The following MRPL37 variants were observed in gnomAD, a reference collection of about 807,000 sequenced individuals.
MRPL37 encodes the protein mitochondrial ribosomal protein L37.
Under a neutral mutation model 44.1 loss-of-function variants are expected in MRPL37, and 34 were observed. The ratio of observed to expected loss-of-function variants is 0.77; its 90% CI spans 0.59 to 1.03. The LOEUF (loss-of-function observed/expected upper bound fraction) is 1.03. Ranked by LOEUF, MRPL37 falls within the 50% of genes least tolerant of loss-of-function variation. The pLI is 0.00. For missense variants in MRPL37, 532 were observed against 543.7 expected (o/e 0.98, Z 0.21); for synonymous variants, 212 against 219.5 (o/e 0.97, Z 0.30).
intron 1 of MRPL37, among the ~76,000 whole-genome samples, chr1:54,204,791 A>G (rs1644108957): frequency 1.3e-5 from 2 of 152,162 alleles, no homozygotes; most frequent in Admixed American, 1.3e-4. Context: ...CACCTCAGTC[A>G]CCTATTAACC....
downstream of MRPL37, among the ~76,000 whole-genome samples, chr1:54,224,604 A>G (rs1293098539): frequency 6.6e-6 from 1 of 152,174 alleles, no homozygotes; most frequent in African/African-American, 2.4e-5. Flanking sequence ...AGGGCTTTAT[A>G]AACATGGGCT....
chr1:54,221,382 G>GACTC (rs998400816), downstream of MRPL37, among the ~76,000 whole-genome samples: 4 of 152,120 alleles, frequency 2.6e-5, no homozygotes, highest in Admixed American at 1.3e-4. Flanking sequence ...CGATTGTCTT[G>GACTC]ACTCTCTCTT....
chr1:54,222,438 C>T (rs562666184), downstream of MRPL37, among the ~76,000 whole-genome samples: 2 of 152,234 alleles, frequency 1.3e-5, no homozygotes, highest in South Asian at 4.1e-4. Context: ...GTCCATGGCC[C>T]TTCCATGCCC....
Position 54,216,191 on chromosome 1 carries a change from G to T in MRPL37, c.1041G>T (p.Thr347=), listed in dbSNP as rs201756948. 2.5e-6 allele frequency: 4 copies of T among 1,614,212 alleles called. No individual in the cohort carries two copies. Among genetic ancestry groups the T allele is most frequent in the Admixed American group, 3.3e-5 (2 of 60,034 alleles). Residue 347 remains threonine, a synonymous_variant, in exon 6 of 7, where the codon ACG becomes ACT. Coordinates refer to ENST00000360840, the MANE Select transcript of MRPL37 (RefSeq NM_016491.4). The stretch of plus-strand genomic sequence containing the variant: ...CCGTGGTGGTGCAGAGCGTGGGCAC[G>T]GATGGACGTGTCTTCCATTTCCTAG... ...EQPVVVQSVG[T]DGRVFHFLVF...
At chr1:54,212,718 G>A in intron 5 of MRPL37, 60 bp downstream of exon 5, 1 of 1,602,112 alleles carries the variant, frequency 6.2e-7, no homozygotes, top group Middle Eastern at 1.7e-4. Flanking sequence ...CTCCCTTAAG[G>A]TTACTGCTCA....
chr1:54,225,027 C>A, downstream of MRPL37: 2 of 1,172,720 alleles, frequency 1.7e-6, no homozygotes, highest in South Asian at 4.4e-5. Context: ...CAGTCCCACC[C>A]GAGGGGAGAA....
At chr1:54,218,568 C>CTAAT (rs1249765532), downstream of MRPL37, among the ~76,000 whole-genome samples, 2 of 152,258 alleles carry the variant, frequency 1.3e-5, no homozygotes, top group Non-Finnish European at 2.9e-5. Flanking sequence ...ACTTACCTGG[C>CTAAT]GTTGAAGACT....
intron 3 of MRPL37, chr1:54,207,408 G>A: frequency 6.6e-6 from 1 of 152,184 alleles, no homozygotes; most frequent in East Asian, 1.9e-4. Flanking sequence ...GAATCCTGGA[G>A]CAGGAAAACC....
chr1:54,213,874 C>T (rs1004956749), intron 5 of MRPL37, among the ~76,000 whole-genome samples: 3 of 152,106 alleles, frequency 2.0e-5, no homozygotes, highest in African/African-American at 7.2e-5. Flanking sequence ...ATGGCAAAAC[C>T]CCATCTCTAC....
At position 54,200,194 on chromosome 1, in the gene MRPL37, G is replaced by A. The variant is rs1239163616; in HGVS notation, c.-50G>A. The A allele has an allele frequency of 1.3e-6, 2 of 1,496,430 alleles. No individual in the cohort carries two copies. Among genetic ancestry groups the A allele is most frequent in the South Asian group, 1.3e-5 (1 of 75,400 alleles). The allele number at this position is 1,496,430 out of a possible 1,614,324, so 92.7% of individuals were successfully genotyped here. ...CATTCGTTCCCAGCAGGCCCTGCGC[G>A]CGGCAACATGGCGGGGTCCAGGTGG... is the stretch of plus-strand genomic sequence containing the variant. On this transcript the variant is annotated 5_prime_UTR_variant, in exon 1 of 7. Transcript: ENST00000360840.
downstream of MRPL37, among the ~76,000 whole-genome samples, chr1:54,219,130 G>A (rs1341799707): frequency 6.6e-6 from 1 of 152,244 alleles, no homozygotes; most frequent in Non-Finnish European, 1.5e-5. Flanking sequence ...GCCTCACCCA[G>A]TTCATGGGCA....
At chr1:54,204,855 C>T (rs1469450319) in intron 1 of MRPL37, among the ~76,000 whole-genome samples, 163 bp from the exon 2 acceptor site, 1 of 152,194 alleles carries the variant, frequency 6.6e-6, no homozygotes, top group Non-Finnish European at 1.5e-5. Context: ...ACTTTCTTAG[C>T]TTCTGGTCTT....
In MRPL37 at chr1:54,209,966, C is replaced by G. The variant is rs775221495; in HGVS notation, c.667C>G (p.Arg223Gly). 1 of 1,613,994 alleles carries G rather than the reference C, an allele frequency of 6.2e-7. No homozygotes were observed. The highest frequency in any genetic ancestry group is 8.5e-7 in the Non-Finnish European group (1 of 1,180,016). ...WNRESLLLQV[R>G]GSGGARLSTK... ...TTTAGAGTCTCTTCTCCTTCAAGTC[C>G]GTGGTTCTGGTGGAGCCCGACTGAG... Residue 223 changes from arginine to glycine, a missense_variant, in exon 4 of 7, where the codon CGT (arginine) becomes GGT (glycine). Transcript: ENST00000360840.
downstream of MRPL37, among the ~76,000 whole-genome samples, chr1:54,224,021 T>C (rs1013320287): frequency 7.9e-5 from 12 of 152,152 alleles, no homozygotes; most frequent in Non-Finnish European, 1.3e-4. Flanking sequence ...CAGCAGGCGC[T>C]CTTCCCAGGC....
At chr1:54,219,190 C>G (rs1370837096), downstream of MRPL37, among the ~76,000 whole-genome samples, 2 of 152,262 alleles carry the variant, frequency 1.3e-5, no homozygotes, top group Non-Finnish European at 2.9e-5. Context: ...CACCCCTGGC[C>G]TGGCACCAGC....
downstream of MRPL37, among the ~76,000 whole-genome samples, chr1:54,224,364 C>T (rs2282332): frequency 0.14 from 21,333 of 152,228 alleles, 1,764 homozygotes; most frequent in East Asian, 0.36. Flanking sequence ...ACTCTCCCCA[C>T]GAGTAACATC....
chr1:54,212,463 A>G, intron 4 of MRPL37, 38 bp from the exon 5 acceptor site: 1 of 1,606,338 alleles, frequency 6.2e-7, no homozygotes, highest in Non-Finnish European at 8.5e-7. Flanking sequence ...AGGCTGATGA[A>G]TCCTTTCCAC....
chr1:54,214,562 C>T (rs536903698), intron 5 of MRPL37, among the ~76,000 whole-genome samples: 2 of 152,342 alleles, frequency 1.3e-5, no homozygotes, highest in Admixed American at 6.5e-5. Flanking sequence ...CTACTCCCAA[C>T]TCAGGCAGGA....
intron 4 of MRPL37, among the ~76,000 whole-genome samples, chr1:54,211,025 G>A (rs1408228336): frequency 3.9e-5 from 6 of 152,112 alleles, no homozygotes; most frequent in Admixed American, 3.9e-4. Flanking sequence ...TTGTGACTGT[G>A]CTAAATTCAT....
Sources: allele counts gnomAD v4.1 joint callset (sites outside exome capture counted in the v4.1 genomes callset), GRCh38; gene constraint gnomAD v4.1.1; transcripts MANE v1.5; gene names NCBI Gene and HGNC (gene_info 2026-07-23, HGNC 2026-07-21).